The following DOCK2 variants were observed in gnomAD, a reference collection of about 807,000 sequenced individuals.
DOCK2 encodes the protein dedicator of cytokinesis 2, also known as dedicator of cytokinesis protein 2.
Under a neutral mutation model 248.9 loss-of-function variants are expected in DOCK2, and 87 were observed. The ratio of observed to expected loss-of-function variants is 0.35; its 90% confidence interval spans 0.29 to 0.42. The LOEUF (loss-of-function observed/expected upper bound fraction) is 0.42. DOCK2 is among the 10% of genes least tolerant of loss of function. DOCK2 has a pLI of 1.00. For synonymous variants in DOCK2, 805 were observed against 821.6 expected (o/e 0.98, Z 0.35); for missense variants, 1,747 against 2,300.2 (o/e 0.76, Z 4.92).
intron 27 of DOCK2, among the ~76,000 whole-genome samples, chr5:169,904,734 C>T (rs1259094276): frequency 6.6e-6 from 1 of 152,206 alleles, no homozygotes; most frequent in Non-Finnish European, 1.5e-5. Flanking sequence ...CGAGCATTAA[C>T]TGTATTAGCT....
intron 27 of DOCK2, among the ~76,000 whole-genome samples, chr5:169,921,251 G>A (rs998290947): frequency 1.5e-4 from 23 of 152,064 alleles, no homozygotes; most frequent in African/African-American, 5.3e-4. Flanking sequence ...GTAAGATTTT[G>A]GATTAGAATA....
chr5:169,727,598 C>A (rs1420669101), intron 22 of DOCK2, among the ~76,000 whole-genome samples: 2 of 152,190 alleles, frequency 1.3e-5, no homozygotes, highest in Non-Finnish European at 2.9e-5. Context: ...CTACCTTTTA[C>A]TCTTAGAGAG....
intron 6 of DOCK2, among the ~76,000 whole-genome samples, chr5:169,678,271 TTTTG>T (rs985724258): frequency 1.3e-5 from 2 of 151,964 alleles, no homozygotes; most frequent in African/African-American, 2.4e-5. Context: ...TGAGAAAAGT[TTTTG>T]TTTTTTTTTT....
chr5:169,718,979 AAAAG>A (rs2113560421), intron 22 of DOCK2, among the ~76,000 whole-genome samples, 188 bp downstream of exon 22: 1 of 152,374 alleles, frequency 6.6e-6, no homozygotes, highest in South Asian at 2.1e-4. Flanking sequence ...TTTGGGAAAA[AAAAG>A]AAATCTTAAC....
At chr5:169,699,610 T>A in intron 12 of DOCK2, 152 bp downstream of exon 12, 1 of 802,632 alleles carries the variant, frequency 1.2e-6, no homozygotes, top group Non-Finnish European at 1.9e-6. Flanking sequence ...TCTACAGGGA[T>A]AAGTCACATT....
intron 9 of DOCK2, among the ~76,000 whole-genome samples, chr5:169,691,586 A>G (rs1301962306): frequency 6.6e-6 from 1 of 152,220 alleles, no homozygotes; most frequent in Non-Finnish European, 1.5e-5. Context: ...TAATTAAAAC[A>G]GGGTGATGTG....
chr5:170,034,239 G>A (rs1184207501), intron 34 of DOCK2, among the ~76,000 whole-genome samples, 160 bp from the exon 35 acceptor site: 1 of 151,780 alleles, frequency 6.6e-6, no homozygotes, highest in Non-Finnish European at 1.5e-5. Flanking sequence ...AAAAATTGCT[G>A]CACTATATGG....
chr5:170,029,127 A>G (rs142464231), intron 34 of DOCK2, among the ~76,000 whole-genome samples: 1 of 152,218 alleles, frequency 6.6e-6, no homozygotes, highest in African/African-American at 2.4e-5. Context: ...TACGGCACCT[A>G]TATTTGACCT....
intron 27 of DOCK2, among the ~76,000 whole-genome samples, chr5:169,879,262 G>A (rs1044966187): frequency 6.6e-6 from 1 of 152,088 alleles, no homozygotes; most frequent in Admixed American, 6.5e-5. Context: ...AGAGATCACG[G>A]CTTAACAAGG....
intron 1 of DOCK2, among the ~76,000 whole-genome samples, chr5:169,643,729 G>C (rs966054939): frequency 2.0e-5 from 3 of 152,132 alleles, no homozygotes; most frequent in African/African-American, 7.2e-5. Context: ...GACTGCACAC[G>C]GCCCCTTGGA....
intron 8 of DOCK2, among the ~76,000 whole-genome samples, chr5:169,688,196 G>C (rs957186732): frequency 2.0e-5 from 3 of 152,206 alleles, no homozygotes. Context: ...AAAGTGCTGG[G>C]ATTACAGGCA....
At chr5:169,698,155 C>A (rs1760741502) in intron 10 of DOCK2, among the ~76,000 whole-genome samples, 1 of 152,170 alleles carries the variant, frequency 6.6e-6, no homozygotes, top group Non-Finnish European at 1.5e-5. Flanking sequence ...GCCCTCTGAC[C>A]TCCCAGTCTG....
At chr5:169,797,968 C>T (rs1300086621) in intron 25 of DOCK2, among the ~76,000 whole-genome samples, 2 of 152,184 alleles carry the variant, frequency 1.3e-5, no homozygotes, top group African/African-American at 2.4e-5. Flanking sequence ...GACAGAGTAC[C>T]TTCTGAAAAA....
At chr5:169,836,000 C>T (rs1479786320) in intron 26 of DOCK2, among the ~76,000 whole-genome samples, 1 of 152,196 alleles carries the variant, frequency 6.6e-6, no homozygotes, top group Non-Finnish European at 1.5e-5. Flanking sequence ...ATGCAATCTT[C>T]CCGCCTGGGT....
intron 33 of DOCK2, among the ~76,000 whole-genome samples, chr5:170,021,670 C>G (rs1755733002): frequency 6.6e-6 from 1 of 152,152 alleles, no homozygotes; most frequent in African/African-American, 2.4e-5. Context: ...CTCCTCGCAG[C>G]TCCCTTATCA....
intron 27 of DOCK2, among the ~76,000 whole-genome samples, chr5:169,867,327 C>T (rs1401310400): frequency 6.6e-6 from 1 of 152,122 alleles, no homozygotes; most frequent in African/African-American, 2.4e-5. Context: ...GCTCCTGAGG[C>T]CTAACTCACC....
intron 27 of DOCK2, chr5:169,881,460 T>C: frequency 6.5e-7 from 1 of 1,550,026 alleles, no homozygotes; most frequent in Non-Finnish European, 8.7e-7. Flanking sequence ...ACAGAGCATT[T>C]GCTGGATAAA....
At position 169,831,950 on chromosome 5, in the gene DOCK2, A is replaced by G. The variant is rs761660422; in HGVS notation, c.2704-8807A>G. On this transcript the variant is annotated intron_variant, in intron 26 of 51. Transcript: ENST00000520908. ...GAGACTTTTGCAGAGAGTTTTTCAT[A>G]ATATTGAAAGAAGTTGCCAGAGAAG... is the stretch of plus-strand genomic sequence containing the variant. Among the ~76,000 whole-genome samples, 19 of 152,164 alleles carry G rather than the reference A, an allele frequency of 1.2e-4. 1 individual carries two copies. The highest frequency in any genetic ancestry group is 1.0e-4 in the Non-Finnish European group (7 of 68,046).
chr5:169,768,173 C>T (rs1764898324), intron 25 of DOCK2, among the ~76,000 whole-genome samples: 1 of 152,194 alleles, frequency 6.6e-6, no homozygotes, highest in East Asian at 1.9e-4. Context: ...GGCCAGAACA[C>T]ATCACATGTG....
Sources: gnomAD v4.1 joint callset for allele counts (sites outside exome capture counted in the v4.1 genomes callset) on GRCh38, gnomAD v4.1.1 for gene constraint, MANE v1.5 for transcripts, NCBI Gene and HGNC (gene_info 2026-07-23, HGNC 2026-07-21) for gene names.